MAT2B: variants seen among roughly 807,000 people sequenced by gnomAD.
The protein encoded by MAT2B is methionine adenosyltransferase 2 non-catalytic beta subunit.
A neutral mutation model predicts 36.1 loss-of-function variants in MAT2B; 16 were observed. That is an observed-to-expected ratio of 0.44 (90% CI 0.30 to 0.67). The LOEUF is 0.67. Ranked by LOEUF, MAT2B falls within the 30% of genes least tolerant of loss-of-function variation. MAT2B has a pLI of 0.09. For synonymous variants in MAT2B, 148 were observed against 136.9 expected (o/e 1.08, Z -0.57); for missense variants, 332 against 398.2 (o/e 0.83, Z 1.42).
intron 4 of MAT2B, among the ~76,000 whole-genome samples, chr5:163,515,514 T>C (rs911156870): frequency 6.6e-6 from 1 of 152,196 alleles, no homozygotes; most frequent in Admixed American, 6.5e-5. Flanking sequence ...AGTGCAGTTA[T>C]CATACATTTG....
In MAT2B at chr5:163,516,620, C is replaced by T; in HGVS notation, c.629C>T (p.Ser210Leu). ...MFDKVQFSNK[S>L]ANMDHWQQRF... ...GATAAAGTGCAGTTCAGCAACAAGTCAGCAAACATGGATCACTGGCAGCAG... is the reference window on the plus strand; with the variant it reads ...GATAAAGTGCAGTTCAGCAACAAGTTAGCAAACATGGATCACTGGCAGCAG... Residue 210 changes from serine (S) to leucine (L), a missense_variant, in exon 5 of 7, where the codon TCA becomes TTA. By Grantham distance (145) the Ser-to-Leu change is moderately radical. Transcript: ENST00000321757. 1 of 1,614,194 alleles carries T rather than the reference C, an allele frequency of 6.2e-7. No homozygotes were observed. Among genetic ancestry groups the T allele is most frequent in the South Asian group, 1.1e-5 (1 of 91,080 alleles).
At chr5:163,509,199 T>A (rs2113552177) in intron 1 of MAT2B, among the ~76,000 whole-genome samples, 1 of 131,842 alleles carries the variant, frequency 7.6e-6, no homozygotes, top group East Asian at 1.9e-4. Flanking sequence ...AAAATGAAAC[T>A]GTACTTCACA....
chr5:163,504,761 G>A (rs7709905), upstream of MAT2B, among the ~76,000 whole-genome samples: 5,108 of 152,194 alleles, frequency 0.034, 251 homozygotes, highest in African/African-American at 0.11. Flanking sequence ...TCAGCACTTA[G>A]GGCTGCTTAA....
chr5:163,507,336 A>G (rs1455819960), intron 1 of MAT2B, among the ~76,000 whole-genome samples: 1 of 152,192 alleles, frequency 6.6e-6, no homozygotes, highest in Non-Finnish European at 1.5e-5. Flanking sequence ...TTACCTATAC[A>G]ATTTGGTATC....
chr5:163,507,752 A>G (rs577648093), intron 1 of MAT2B, among the ~76,000 whole-genome samples: 1 of 152,340 alleles, frequency 6.6e-6, no homozygotes, highest in South Asian at 2.1e-4. Context: ...AGCCTCAACA[A>G]AACAGTGTAA....
chr5:163,504,769 TAA>T (rs1759899803), upstream of MAT2B, among the ~76,000 whole-genome samples: 1 of 152,134 alleles, frequency 6.6e-6, no homozygotes, highest in African/African-American at 2.4e-5. Context: ...TAGGGCTGCT[TAA>T]CTTTTAAAAG....
rs765763668 is a variant in MAT2B at position 163,513,524 on chromosome 5, A to G, written c.259-31A>G. On this transcript the variant is annotated intron_variant, in intron 2 of 6. Transcript: ENST00000321757. ...GTAATACCTCTTTCATTTTATTTTG[A>G]GTTAAAAATACGTCAATGCTTAACT... 8 of 1,278,678 alleles carry G rather than the reference A, an allele frequency of 6.3e-6. No individual in the cohort carries two copies. In the Admixed American group the frequency reaches 1.5e-4, roughly 24 times the overall value. The allele number at this position is 1,278,678 out of a possible 1,614,324, so 79.2% of individuals were successfully genotyped here.
chr5:163,518,526 A>G lies in MAT2B; in HGVS notation c.*163A>G. On this transcript the variant is annotated 3_prime_UTR_variant, in exon 7 of 7. Coordinates refer to ENST00000321757, the MANE Select transcript of MAT2B (RefSeq NM_013283.5). ...ACTAGTGAAATTGTCTAAAGAAACT[A>G]AAGGGCAGTCATGCCCTGTTTGCAG... The G allele has an allele frequency of 1.8e-6, 1 of 552,598 alleles. No individual in the cohort carries two copies. The highest frequency in any genetic ancestry group is 3.0e-6 in the Non-Finnish European group (1 of 332,936). The allele number at this position is 552,598 out of a possible 1,614,324, so 34.2% of individuals were successfully genotyped here.
chr5:163,510,089 GTA>G (rs776790626), intron 1 of MAT2B, among the ~76,000 whole-genome samples: 2 of 152,136 alleles, frequency 1.3e-5, no homozygotes, highest in Non-Finnish European at 2.9e-5. Flanking sequence ...TTTGGTTATT[GTA>G]TATGTATTTA....
Position 163,518,224 on chromosome 5 carries a change from G to A in MAT2B, c.866G>A (p.Arg289His), listed in dbSNP as rs147499303. ...GACAGCCCTGTCCTAGGAGCACAAC[G>A]TCCGAGAAATGCTCAGCTTGACTGC... Reference protein sequence around the residue: ...ITDSPVLGAQRPRNAQLDCSK... With the variant: ...ITDSPVLGAQHPRNAQLDCSK... Residue 289 changes from arginine to histidine, a missense_variant, in exon 7 of 7, where the codon CGT becomes CAT. By Grantham distance (29) the Arg-to-His change is conservative. Transcript: ENST00000321757. 289 of 1,611,862 alleles carry A rather than the reference G, an allele frequency of 1.8e-4. No individual in the cohort carries two copies. The highest frequency in any genetic ancestry group is 2.2e-4 in the Non-Finnish European group (265 of 1,179,308).
chr5:163,505,619 GAGGCCCGCGTCGAT>G lies in MAT2B; in HGVS notation c.-67_-54del. The stretch of plus-strand genomic sequence containing the variant: ...GAGGCGGGCCGAGGGCGTCTGAGCT[GAGGCCCGCGTCGAT>G]CCTGGGTTGGAGGAGGTGGCGGCCG... On this transcript the variant is annotated 5_prime_UTR_variant, in exon 1 of 7. Coordinates refer to ENST00000321757, the MANE Select transcript of MAT2B (RefSeq NM_013283.5). 1 of 1,250,270 alleles carries G rather than the reference GAGGCCCGCGTCGAT, an allele frequency of 8.0e-7. No individual in the cohort carries two copies. The highest frequency in any genetic ancestry group is 1.0e-6 in the Non-Finnish European group (1 of 988,804). 77.4% of individuals were successfully genotyped at this position (1,250,270 alleles called of 1,614,324 possible).
At position 163,512,015 on chromosome 5, in the gene MAT2B, T is replaced by A; in HGVS notation, c.77T>A (p.Ile26Asn). Residue 26 changes from isoleucine (I) to asparagine (N), a missense_variant, in exon 2 of 7, where the codon ATC becomes AAC. Ile to Asn is a moderately radical substitution (Grantham distance 149, BLOSUM62 -3). Transcript: ENST00000321757. ...TTCACCTTTTAGGAGGAAGTTAACA[T>A]CCCTAATAGGAGGGTTCTGGTTACT... ...SCRLVEEEVN[I>N]PNRRVLVTGA... 2 of 1,612,504 alleles carry A rather than the reference T, an allele frequency of 1.2e-6. No homozygotes were observed. Among genetic ancestry groups the A allele is most frequent in the South Asian group, 1.1e-5 (1 of 90,742 alleles).
chr5:163,506,659 G>A (rs544029983), intron 1 of MAT2B, among the ~76,000 whole-genome samples: 1 of 152,226 alleles, frequency 6.6e-6, no homozygotes, highest in Non-Finnish European at 1.5e-5. Context: ...GTTCTTTGAG[G>A]GTAAAGTTAG....
intron 4 of MAT2B, among the ~76,000 whole-genome samples, 194 bp from the exon 5 acceptor site, chr5:163,516,324 A>G (rs1760132843): frequency 6.6e-6 from 1 of 152,178 alleles, no homozygotes; most frequent in African/African-American, 2.4e-5. Context: ...TGCTAGCATT[A>G]TAGGCATGAG....
rs966167418 is a variant in MAT2B, at chr5:163,518,339, A to T, written c.981A>T (p.Arg327Ser). The part of the protein sequence containing the change: ...ESLWPFLIDK[R>S]WRQTVFH The stretch of plus-strand genomic sequence containing the variant: ...TTTGGCCTTTCCTCATTGACAAGAG[A>T]TGGAGACAAACGGTCTTTCATTAGT... Residue 327 changes from arginine (R) to serine (S), a missense_variant, in exon 7 of 7, where the codon AGA becomes AGT. Transcript: ENST00000321757. 1.9e-6 allele frequency: 3 copies of T among 1,611,932 alleles called. No homozygotes were observed. The highest frequency in any genetic ancestry group is 2.2e-5 in the East Asian group (1 of 44,858).
upstream of MAT2B, chr5:163,505,405 A>G: frequency 1.6e-6 from 1 of 638,502 alleles, no homozygotes; most frequent in Non-Finnish European, 2.2e-6. Flanking sequence ...TCCGAAACAA[A>G]ACCTGAATTC....
chr5:163,512,386 C>T, intron 2 of MAT2B, 190 bp downstream of exon 2: 1 of 599,190 alleles, frequency 1.7e-6, no homozygotes, highest in South Asian at 2.0e-5. Flanking sequence ...GACACGCTGA[C>T]AAAGACAAAT....
intron 2 of MAT2B, 62 bp downstream of exon 2, chr5:163,512,258 G>A: frequency 7.4e-7 from 1 of 1,357,222 alleles, no homozygotes. Context: ...GGATGATACA[G>A]AAACTATCCT....
At chr5:163,516,451 C>T (rs1187544209) in intron 4 of MAT2B, 67 bp from the exon 5 acceptor site, 1 of 1,308,316 alleles carries the variant, frequency 7.6e-7, no homozygotes, top group Admixed American at 1.8e-5. Context: ...AAATCCACAC[C>T]CTTGTATCTT....
Sources: allele counts gnomAD v4.1 joint callset (sites outside exome capture counted in the v4.1 genomes callset), GRCh38; gene constraint gnomAD v4.1.1; transcripts MANE v1.5; gene names NCBI Gene and HGNC (gene_info 2026-07-23, HGNC 2026-07-21).